Variants in EPB41 observed in about 807,000 individuals in gnomAD.
EPB41 encodes erythrocyte membrane protein band 4.1.
Under a neutral mutation model 108.0 loss-of-function variants are expected in EPB41, and 65 were observed. The observed-to-expected ratio is 0.60, with a 90% confidence interval of 0.49 to 0.74. The LOEUF (loss-of-function observed/expected upper bound fraction) is 0.74, where lower values mean the gene tolerates loss of function less well. Among genes scored for constraint, EPB41 ranks in the 30% least tolerant of loss-of-function variants. The pLI is 0.00. For synonymous variants in EPB41, 336 were observed against 358.9 expected (o/e 0.94, Z 0.72); for missense variants, 875 against 1,037.0 (o/e 0.84, Z 2.15).
At chr1:28,935,469 C>CACACACACACACACTCACA (rs1234434094) in intron 1 of EPB41, among the ~76,000 whole-genome samples, 1 of 42,276 alleles carries the variant, frequency 2.4e-5, no homozygotes, top group Admixed American at 2.5e-4. Flanking sequence ...ACACACACAC[C>CACACACACACACACTCACA]CCCCCCCCCC....
At chr1:28,891,108 G>GTCTTGCACCT in intron 1 of EPB41, 1 of 514,792 alleles carries the variant, frequency 1.9e-6, no homozygotes, top group Non-Finnish European at 2.5e-6. Flanking sequence ...CTACTGCCCA[G>GTCTTGCACCT]GTGCAAGACT....
Position 29,006,628 on chromosome 1 carries a change from CCCTT to C in EPB41, c.787-5234_787-5231del, listed in dbSNP as rs993008847. On this transcript the variant is annotated intron_variant, in intron 4 of 20. Coordinates refer to ENST00000343067, the MANE Select transcript of EPB41 (RefSeq NM_001376013.1). ...AGAACTCTAAAATCCCCTATTGTGT[CCCTT>C]CCAGTCACTACCTCCAACCCCTTAT... 5.9e-5 allele frequency among the ~76,000 whole-genome samples: 9 copies of C among 152,142 alleles called. No homozygotes were observed. The Middle Eastern group carries it at 0.01, about 172-fold the overall frequency.
intron 7 of EPB41, among the ~76,000 whole-genome samples, chr1:29,028,087 G>T (rs1344048835): frequency 1.3e-5 from 2 of 152,104 alleles, no homozygotes; most frequent in African/African-American, 4.8e-5. Context: ...GCCTCCCAAA[G>T]TGCTGGGATT....
intron 17 of EPB41, among the ~76,000 whole-genome samples, chr1:29,107,700 A>T (rs1170799089): frequency 2.0e-5 from 3 of 151,650 alleles, no homozygotes; most frequent in Non-Finnish European, 1.5e-5. Context: ...AAAATACAAA[A>T]ATTAGCCAGG....
At chr1:29,071,014 C>G (rs1483292638) in intron 16 of EPB41, 1 of 158,206 alleles carries the variant, frequency 6.3e-6, no homozygotes, top group African/African-American at 2.4e-5. Flanking sequence ...TTTCCTAATC[C>G]TCTATAGTCA....
At chr1:29,006,608 T>G (rs1345016686) in intron 4 of EPB41, among the ~76,000 whole-genome samples, 1 of 151,934 alleles carries the variant, frequency 6.6e-6, no homozygotes, top group Non-Finnish European at 1.5e-5. Flanking sequence ...TTATCAGAAC[T>G]CTAAAATCCC....
chr1:28,941,848 G>A (rs1235058889), intron 1 of EPB41, among the ~76,000 whole-genome samples: 2 of 148,450 alleles, frequency 1.3e-5, no homozygotes, highest in East Asian at 3.9e-4. Flanking sequence ...GAGCTGAGAT[G>A]GTGCCATTGC....
chr1:28,929,792 C>T (rs2148500624), intron 1 of EPB41, among the ~76,000 whole-genome samples: 1 of 151,056 alleles, frequency 6.6e-6, no homozygotes, highest in South Asian at 2.1e-4. Flanking sequence ...CCTTGGCCTC[C>T]CAAAGTGCTG....
chr1:29,069,386 C>A, intron 16 of EPB41: 1 of 1,229,592 alleles, frequency 8.1e-7, no homozygotes. Context: ...AAAAAACTTT[C>A]TTTAAAAGTG....
At chr1:28,994,321 G>A (rs2096106452) in intron 3 of EPB41, among the ~76,000 whole-genome samples, 2 of 150,986 alleles carry the variant, frequency 1.3e-5, no homozygotes, top group Admixed American at 6.6e-5. Flanking sequence ...ACAGGCACCC[G>A]CCACCACGCC....
chr1:29,041,928 T>C (rs539613509), intron 11 of EPB41, among the ~76,000 whole-genome samples: 1 of 152,348 alleles, frequency 6.6e-6, no homozygotes, highest in South Asian at 2.1e-4. Context: ...ATGTATGGTA[T>C]TTAGCACAAT....
intron 12 of EPB41, among the ~76,000 whole-genome samples, chr1:29,057,646 C>T (rs908019940): frequency 2.0e-5 from 3 of 152,158 alleles, no homozygotes; most frequent in Middle Eastern, 3.4e-3. Flanking sequence ...GTGATTTAGC[C>T]CTTAGTAAAA....
intron 2 of EPB41, among the ~76,000 whole-genome samples, chr1:28,990,860 A>G (rs540744482): frequency 6.6e-6 from 1 of 152,316 alleles, no homozygotes; most frequent in East Asian, 1.9e-4. Context: ...CAGATGATGG[A>G]CAGTTAATTT....
intron 1 of EPB41, among the ~76,000 whole-genome samples, chr1:28,902,618 T>A (rs997296795): frequency 6.6e-6 from 1 of 152,138 alleles, no homozygotes; most frequent in Non-Finnish European, 1.5e-5. Flanking sequence ...TCCTGCAATG[T>A]TTTCCCACAA....
intron 16 of EPB41, among the ~76,000 whole-genome samples, chr1:29,086,940 C>CTTTTTTTT (rs386366593): frequency 2.6e-4 from 26 of 98,544 alleles, no homozygotes; most frequent in African/African-American, 8.3e-4. Flanking sequence ...AACTGTGGTT[C>CTTTTTTTT]TTTTTTTTTT....
chr1:29,106,564 ATTTTTTT>A (rs1187973613), intron 17 of EPB41, among the ~76,000 whole-genome samples: 31 of 50,892 alleles, frequency 6.1e-4, no homozygotes, highest in South Asian at 4.1e-3. Context: ...AGTAGCTGGG[ATTTTTTT>A]TTTTTTTTTT....
At chr1:28,896,638 A>G (rs778675518) in intron 1 of EPB41, among the ~76,000 whole-genome samples, 5 of 152,240 alleles carry the variant, frequency 3.3e-5, no homozygotes, top group Non-Finnish European at 7.3e-5. Flanking sequence ...GCCAAGGTAC[A>G]CAACTGCCTG....
intron 11 of EPB41, among the ~76,000 whole-genome samples, chr1:29,050,062 A>G (rs2150681368): frequency 6.6e-6 from 1 of 152,358 alleles, no homozygotes; most frequent in South Asian, 2.1e-4. Context: ...TAGAGTTAAT[A>G]TCTTCCATAT....
chr1:28,999,627 G>A (rs952631185), intron 4 of EPB41, among the ~76,000 whole-genome samples: 1 of 152,072 alleles, frequency 6.6e-6, no homozygotes, highest in African/African-American at 2.4e-5. Flanking sequence ...CTAGAAGCTG[G>A]CTCATCTAAA....
Sources: allele counts gnomAD v4.1 joint callset (sites outside exome capture counted in the v4.1 genomes callset), GRCh38; gene constraint gnomAD v4.1.1; transcripts MANE v1.5; gene names NCBI Gene and HGNC (gene_info 2026-07-23, HGNC 2026-07-21).